The following LYST variants were observed in gnomAD, a reference collection of about 807,000 sequenced individuals.
LYST encodes the protein lysosomal-trafficking regulator.
LYST carries 192 observed loss-of-function variants against 413.6 expected under a neutral mutation model. The observed-to-expected ratio is 0.46, with a 90% confidence interval of 0.41 to 0.52. The LOEUF (loss-of-function observed/expected upper bound fraction) is 0.52, where lower values mean the gene tolerates loss of function less well. LYST is among the 20% of genes least tolerant of loss of function. The pLI is 0.00. For synonymous variants in LYST, 1,525 were observed against 1,567.3 expected (o/e 0.97, Z 0.64); for missense variants, 3,815 against 4,499.9 (o/e 0.85, Z 4.35).
chr1:235,810,066 T>C lies in LYST; in HGVS notation c.752A>G (p.Asn251Ser), dbSNP rs1673297992. The change falls in exon 5 of 53, where the codon AAC becomes AGC. Residue 251 changes from asparagine to serine, a missense_variant. Coordinates refer to ENST00000389793, the MANE Select transcript of LYST (RefSeq NM_000081.4). ...PAALSVISNM[N>S]NSPFDLCHVL... The stretch of plus-strand genomic sequence containing the variant: ...ATGACATAAGTCAAATGGAGAATTG[T>C]TCATGTTACTGATAACAGACAAGGC... 1 of 1,613,936 alleles carries C rather than the reference T, an allele frequency of 6.2e-7. No individual in the cohort carries two copies. Among genetic ancestry groups the C allele is most frequent in the Admixed American group, 1.7e-5 (1 of 59,988 alleles).
Position 235,730,884 on chromosome 1 carries a change from A to C in LYST, c.9007T>G (p.Ser3003Ala). ...FEDKTHSSFS[S>A]TVKDKAASES... ...CTTGCAGCTTTGTCTTTGACAGTAG[A>C]AGAGAAAGAAGAATGAGTTTTGTCT... Residue 3003 changes from serine to alanine, a missense_variant, in exon 36 of 53, where the codon TCT (serine) becomes GCT (alanine). By Grantham distance (99) the Ser-to-Ala change is moderately conservative. This residue lies in a region of LYST where 866 missense variants were observed against 1,156.0 expected (regional missense o/e 0.75). Transcript: ENST00000389793. 6.2e-7 allele frequency: 1 copy of C among 1,613,672 alleles called. No homozygotes were observed. Among genetic ancestry groups the C allele is most frequent in the Non-Finnish European group, 8.5e-7 (1 of 1,179,600 alleles).
chr1:235,710,271 G>A (rs1662304628), intron 43 of LYST, among the ~76,000 whole-genome samples: 1 of 152,156 alleles, frequency 6.6e-6, no homozygotes, highest in Non-Finnish European at 1.5e-5. Context: ...GGGGATGTGA[G>A]CATCTCAGAA....
At chr1:235,782,133 C>T in intron 14 of LYST, 46 bp from the exon 15 acceptor site, 1 of 1,487,604 alleles carries the variant, frequency 6.7e-7, no homozygotes, top group South Asian at 1.2e-5. Context: ...TTTAGGAAGT[C>T]TAGTACTAAG....
chr1:235,880,627 A>AT (rs770871242), intron 1 of LYST, among the ~76,000 whole-genome samples: 38 of 152,220 alleles, frequency 2.5e-4, no homozygotes, highest in African/African-American at 6.3e-4. Flanking sequence ...TACCAAGAGT[A>AT]TTTTTTCTAT....
chr1:235,754,513 C>T (rs991849287), intron 25 of LYST, among the ~76,000 whole-genome samples: 1 of 152,058 alleles, frequency 6.6e-6, no homozygotes, highest in Non-Finnish European at 1.5e-5. Flanking sequence ...GCTTGAGCCA[C>T]CACGCCCAGC....
intron 47 of LYST, among the ~76,000 whole-genome samples, chr1:235,689,096 C>CA (rs1291697960): frequency 1.3e-5 from 2 of 151,122 alleles, no homozygotes; most frequent in Non-Finnish European, 3.0e-5. Flanking sequence ...AATGGGTGAA[C>CA]AAAAATATAT....
At chr1:235,666,268 AC>A (rs1228588359) in intron 50 of LYST, among the ~76,000 whole-genome samples, 2 of 124,808 alleles carry the variant, frequency 1.6e-5, no homozygotes, top group Admixed American at 8.2e-5. Flanking sequence ...ACACACACAC[AC>A]AATTTTCTTT....
chr1:235,751,981 A>G, intron 27 of LYST, 24 bp downstream of exon 27: 1 of 1,567,586 alleles, frequency 6.4e-7, no homozygotes, highest in Non-Finnish European at 8.8e-7. Context: ...CTCCCTCCCC[A>G]AATTCATAAA....
Position 235,751,288 on chromosome 1 carries a change from A to G in LYST, c.7702T>C (p.Ser2568Pro), listed in dbSNP as rs1368096920. 1 of 1,613,738 alleles carries G rather than the reference A, an allele frequency of 6.2e-7. No individual in the cohort carries two copies. Among genetic ancestry groups the G allele is most frequent in the South Asian group, 1.1e-5 (1 of 91,070 alleles). Residue 2568 changes from serine to proline, a missense_variant, in exon 28 of 53, where the codon TCT (serine) becomes CCT (proline). Ser to Pro is a moderately conservative substitution (Grantham distance 74). This residue lies in a region of LYST where 771 missense variants were observed against 837.1 expected (regional missense o/e 0.92). Coordinates refer to ENST00000389793, the MANE Select transcript of LYST (RefSeq NM_000081.4). ...EFIRTTANHD[S>P]ENLTDSLQSP... The stretch of plus-strand genomic sequence containing the variant: ...TGGAGTGAATCTGTGAGGTTTTCAG[A>G]GTCATGATTTGCGGTGGTCCTTATA...
rs1411622222 is a variant in LYST, at chr1:235,837,746, G to A, written c.-97-4079C>T. Among the ~76,000 whole-genome samples, 7 of 152,202 alleles carry A rather than the reference G, an allele frequency of 4.6e-5. No homozygotes were observed. In the South Asian group the frequency reaches 1.2e-3, roughly 27 times the overall value. On this transcript the variant is annotated intron_variant, in intron 1 of 52. Transcript: ENST00000389793. ...CTTTTCAAAGAATGGTCTTGGTGGG[G>A]TGGAAAAGAGTGGTGAGGAAATGAA...
intron 1 of LYST, among the ~76,000 whole-genome samples, chr1:235,857,742 TAC>T (rs56208034): frequency 0.09 from 11,674 of 129,090 alleles, 532 homozygotes; most frequent in South Asian, 0.13. Context: ...CATATGTAAA[TAC>T]ACACACACAC....
chr1:235,762,614 G>T, intron 22 of LYST, 106 bp downstream of exon 22: 1 of 1,139,522 alleles, frequency 8.8e-7, no homozygotes, highest in Non-Finnish European at 1.3e-6. Flanking sequence ...TTGTTAGATT[G>T]AATGAGGTTG....
chr1:235,874,133 A>T (rs903250178), intron 1 of LYST, among the ~76,000 whole-genome samples: 1 of 152,178 alleles, frequency 6.6e-6, no homozygotes, highest in Admixed American at 6.5e-5. Context: ...CTACATAAAA[A>T]GATTCTGAAT....
At chr1:235,716,847 T>G (rs1662885960) in intron 40 of LYST, 69 bp from the exon 41 acceptor site, 3 of 887,260 alleles carry the variant, frequency 3.4e-6, no homozygotes, top group Non-Finnish European at 5.7e-6. Context: ...CCTAGATGTC[T>G]GCATCTTGTA....
chr1:235,848,357 C>T (rs1304914152), intron 1 of LYST, among the ~76,000 whole-genome samples: 3 of 152,124 alleles, frequency 2.0e-5, no homozygotes, highest in Non-Finnish European at 2.9e-5. Flanking sequence ...CACAACCTAT[C>T]AAAACCTCTG....
intron 1 of LYST, among the ~76,000 whole-genome samples, chr1:235,882,260 AG>A (rs1558377685): frequency 6.6e-6 from 1 of 152,178 alleles, no homozygotes; most frequent in African/African-American, 2.4e-5. Context: ...ATAGGAAGTA[AG>A]GAGGCAATTC....
intron 31 of LYST, among the ~76,000 whole-genome samples, chr1:235,740,660 C>G (rs1367678085): frequency 6.6e-6 from 1 of 152,190 alleles, no homozygotes; most frequent in Non-Finnish European, 1.5e-5. Flanking sequence ...ACAGATTTCT[C>G]TCTACAGGTA....
chr1:235,800,988 C>T lies in LYST; in HGVS notation c.3822G>A (p.Leu1274=). 6.2e-7 allele frequency: 1 copy of T among 1,613,554 alleles called. No individual in the cohort carries two copies. Among genetic ancestry groups the T allele is most frequent in the Non-Finnish European group, 8.5e-7 (1 of 1,179,608 alleles). The change falls in exon 9 of 53, where the codon CTG becomes CTA. Residue 1274 remains leucine (L), a synonymous_variant. Transcript: ENST00000389793. The stretch of plus-strand genomic sequence containing the variant: ...TACTAGCAGAAAGCAAATTTAATTC[C>T]AGCATACAAATCTCAGGATAAATTA... The part of the protein sequence containing the change: ...GEIIYPEICM[L]ELNLLSASKA...
chr1:235,820,873 TCTTTC>T (rs1674681510), intron 3 of LYST, among the ~76,000 whole-genome samples: 2 of 152,250 alleles, frequency 1.3e-5, no homozygotes, highest in African/African-American at 4.8e-5. Flanking sequence ...AGGATCTTTC[TCTTTC>T]CTTTTCTTTT....
Sources: allele counts gnomAD v4.1 joint callset (sites outside exome capture counted in the v4.1 genomes callset), GRCh38; gene constraint gnomAD v4.1.1; regional missense constraint gnomAD v4.1.1; transcripts MANE v1.5; gene names NCBI Gene and HGNC (gene_info 2026-07-23, HGNC 2026-07-21).